NALF1: variants seen among roughly 807,000 people sequenced by gnomAD.
The protein encoded by NALF1 is NALCN channel auxiliary factor 1, also known as family with sequence similarity 155 member A.
Under a neutral mutation model 48.4 loss-of-function variants are expected in NALF1, and 3 were observed. The observed-to-expected ratio is 0.06, with a 90% CI of 0.03 to 0.16. NALF1 has a LOEUF of 0.16. Among genes scored for constraint, NALF1 ranks in the 10% least tolerant of loss-of-function variants. NALF1 has a pLI of 1.00. For missense variants in NALF1, 526 were observed against 571.5 expected (o/e 0.92, Z 0.81); for synonymous variants, 262 against 245.7 (o/e 1.07, Z -0.62).
At chr13:107,186,717 C>T (rs549239242) in intron 2 of NALF1, among the ~76,000 whole-genome samples, 3 of 152,206 alleles carry the variant, frequency 2.0e-5, no homozygotes, top group Non-Finnish European at 2.9e-5. Flanking sequence ...CTTTTAGCAT[C>T]ACAATCTGTA....
intron 1 of NALF1, among the ~76,000 whole-genome samples, chr13:107,636,554 C>T (rs1879982091): frequency 6.6e-6 from 1 of 152,136 alleles, no homozygotes; most frequent in South Asian, 2.1e-4. Flanking sequence ...TCTTCTATAT[C>T]ATAGTCCATT....
At chr13:107,206,531 C>G (rs1879647249) in intron 2 of NALF1, among the ~76,000 whole-genome samples, 1 of 152,150 alleles carries the variant, frequency 6.6e-6, no homozygotes, top group Non-Finnish European at 1.5e-5. Context: ...GCACGAGATA[C>G]TGAATTTAGT....
chr13:107,538,475 A>G (rs905680058), intron 1 of NALF1, among the ~76,000 whole-genome samples: 17 of 152,308 alleles, frequency 1.1e-4, no homozygotes, highest in African/African-American at 3.6e-4. Context: ...AGCTCAGGTT[A>G]AATTACCTTT....
intron 1 of NALF1, among the ~76,000 whole-genome samples, chr13:107,614,529 A>T (rs1294958395): frequency 6.6e-6 from 1 of 152,212 alleles, no homozygotes; most frequent in Non-Finnish European, 1.5e-5. Context: ...TGATATGAAG[A>T]TTTGATAAGC....
rs147413297 is a variant in NALF1, at chr13:107,560,095, T to C, written c.915+305587A>G. Among the ~76,000 whole-genome samples, 37 of 152,270 alleles carry C rather than the reference T, an allele frequency of 2.4e-4. No individual in the cohort carries two copies. In the East Asian group the frequency reaches 5.8e-3, roughly 24 times the overall value. Reference sequence around the variant, plus strand: ...TCACCAAGTTTTTTGGGATTAGGGCTAAGAAGACAGTCAGGGAAGACAAGC... The same window carrying C: ...TCACCAAGTTTTTTGGGATTAGGGCCAAGAAGACAGTCAGGGAAGACAAGC... On this transcript the variant is annotated intron_variant, in intron 1 of 2. Transcript: ENST00000375915.
At chr13:107,543,682 T>C (rs1877054864) in intron 1 of NALF1, among the ~76,000 whole-genome samples, 1 of 151,984 alleles carries the variant, frequency 6.6e-6, no homozygotes, top group Admixed American at 6.6e-5. Context: ...GGTATATATA[T>C]ACGCGTATAT....
intron 2 of NALF1, among the ~76,000 whole-genome samples, chr13:107,186,418 A>G (rs1879173092): frequency 1.3e-5 from 2 of 152,072 alleles, no homozygotes; most frequent in African/African-American, 2.4e-5. Flanking sequence ...GCCAGGCTGG[A>G]ATGCAGTGGC....
intron 1 of NALF1, among the ~76,000 whole-genome samples, chr13:107,271,812 ATATATT>A (rs1566470783): frequency 1.7e-5 from 1 of 57,148 alleles, no homozygotes; most frequent in African/African-American, 5.8e-5. Context: ...ATATATATAT[ATATATT>A]TATATATTTA....
At chr13:107,217,658 C>T (rs1879902141) in intron 1 of NALF1, among the ~76,000 whole-genome samples, 5 of 152,078 alleles carry the variant, frequency 3.3e-5, no homozygotes, top group Admixed American at 3.3e-4. Context: ...AGGTGAGAAA[C>T]CTGGGGGTCA....
intron 1 of NALF1, among the ~76,000 whole-genome samples, chr13:107,457,437 T>A (rs1358774736): frequency 6.6e-6 from 1 of 152,136 alleles, no homozygotes; most frequent in Non-Finnish European, 1.5e-5. Context: ...TGAATGTGTG[T>A]CTACAAACAC....
intron 1 of NALF1, among the ~76,000 whole-genome samples, chr13:107,601,408 TG>T (rs1463048113): frequency 6.6e-6 from 1 of 152,190 alleles, no homozygotes; most frequent in Non-Finnish European, 1.5e-5. Flanking sequence ...CGACTTTTCT[TG>T]AGATATGTAT....
chr13:107,534,042 A>C (rs567271579), intron 1 of NALF1, among the ~76,000 whole-genome samples: 1 of 152,086 alleles, frequency 6.6e-6, no homozygotes, highest in African/African-American at 2.4e-5. Flanking sequence ...GCAGAGAGAA[A>C]TGGAACGTGA....
chr13:107,538,085 T>C (rs1162355265), intron 1 of NALF1, among the ~76,000 whole-genome samples: 1 of 152,104 alleles, frequency 6.6e-6, no homozygotes, highest in Admixed American at 6.6e-5. Context: ...GTAATCTTAA[T>C]TAATGTAGTG....
intron 1 of NALF1, among the ~76,000 whole-genome samples, chr13:107,254,416 T>G (rs1448598463): frequency 1.3e-5 from 2 of 152,218 alleles, no homozygotes; most frequent in Non-Finnish European, 2.9e-5. Flanking sequence ...TCTGCAGGGC[T>G]GGAGGAACTT....
chr13:107,496,759 G>T (rs1875351943), intron 1 of NALF1, among the ~76,000 whole-genome samples: 1 of 152,154 alleles, frequency 6.6e-6, no homozygotes, highest in Non-Finnish European at 1.5e-5. Context: ...GGAAGGCAAG[G>T]AGGAGCAAGT....
intron 1 of NALF1, among the ~76,000 whole-genome samples, chr13:107,755,951 A>T (rs557493060): frequency 4.0e-4 from 61 of 152,194 alleles, no homozygotes; most frequent in Non-Finnish European, 7.6e-4. Context: ...TGTGATAACT[A>T]ATGACACAGA....
chr13:107,601,129 T>C (rs767764287), intron 1 of NALF1, among the ~76,000 whole-genome samples: 23 of 152,158 alleles, frequency 1.5e-4, no homozygotes, highest in Non-Finnish European at 2.9e-4. Context: ...TTTAGAATGA[T>C]TGCTGTAGTA....
chr13:107,436,816 T>C (rs1884470783), intron 1 of NALF1, among the ~76,000 whole-genome samples: 1 of 152,172 alleles, frequency 6.6e-6, no homozygotes, highest in Non-Finnish European at 1.5e-5. Context: ...ATTGTTTATG[T>C]AGAAAATCTA....
intron 1 of NALF1, among the ~76,000 whole-genome samples, chr13:107,263,378 G>C (rs1377183899): frequency 6.6e-6 from 1 of 151,988 alleles, no homozygotes; most frequent in Non-Finnish European, 1.5e-5. Context: ...TGAAGTTTCT[G>C]AGCATGCAGG....
Sources: allele counts gnomAD v4.1 joint callset (sites outside exome capture counted in the v4.1 genomes callset), GRCh38; gene constraint gnomAD v4.1.1; transcripts MANE v1.5; gene names NCBI Gene and HGNC (gene_info 2026-07-23, HGNC 2026-07-21).